Variants in TTC12 observed in about 807,000 individuals in gnomAD.
TTC12 encodes tetratricopeptide repeat protein 12.
A neutral mutation model predicts 90.1 loss-of-function variants in TTC12; 70 were observed. That is an observed-to-expected ratio of 0.78 (90% CI 0.64 to 0.95). The LOEUF (loss-of-function observed/expected upper bound fraction) is 0.95. Ranked by LOEUF, TTC12 falls within the 40% of genes least tolerant of loss-of-function variation. The pLI is 0.00. For missense variants in TTC12, 819 were observed against 846.1 expected (o/e 0.97, Z 0.40); for synonymous variants, 296 against 311.5 (o/e 0.95, Z 0.53).
chr11:113,346,578 T>C lies in TTC12; in HGVS notation c.1154+2138T>C, dbSNP rs112478539. On this transcript the variant is annotated intron_variant, in intron 13 of 21. Transcript: ENST00000529221. ...TTAAGACAGGTCAATACCAGCTGGA[T>C]CGGTCCCTTTTATCAAGAAAACCTA... Among the ~76,000 whole-genome samples the C allele has an allele frequency of 4.7e-3, 715 of 152,080 alleles. 4 individuals carry two copies. The highest frequency in any genetic ancestry group is 0.016 in the African/African-American group (672 of 41,480).
rs1555146156 is a variant in TTC12, at chr11:113,341,818, T to G, written c.897-19T>G. 6.3e-7 allele frequency: 1 copy of G among 1,586,156 alleles called. No homozygotes were observed. Among genetic ancestry groups the G allele is most frequent in the South Asian group, 1.1e-5 (1 of 90,442 alleles). ...CTGATTTTCAGACTTTTAAGATAGCTCTCCTTTGTCCATTCTAGGTGTTTT... is the reference window on the plus strand; with the variant it reads ...CTGATTTTCAGACTTTTAAGATAGCGCTCCTTTGTCCATTCTAGGTGTTTT... On this transcript the variant is annotated intron_variant, in intron 11 of 21. Transcript: ENST00000529221.
intron 2 of TTC12, among the ~76,000 whole-genome samples, chr11:113,320,754 C>G (rs1296173447): frequency 6.6e-6 from 1 of 152,246 alleles, no homozygotes; most frequent in East Asian, 1.9e-4. Context: ...ACGTGCCCAA[C>G]TGGGCTCCTG....
At chr11:113,322,213 A>T (rs1470861742) in intron 2 of TTC12, among the ~76,000 whole-genome samples, 1 of 152,170 alleles carries the variant, frequency 6.6e-6, no homozygotes, top group African/African-American at 2.4e-5. Flanking sequence ...ATGAATTAAG[A>T]AGTTTAATTG....
chr11:113,323,353 GA>G lies in TTC12; in HGVS notation c.128del (p.Lys43ArgfsTer19). 6.2e-7 allele frequency: 1 copy of G among 1,613,302 alleles called. No homozygotes were observed. The highest frequency in any genetic ancestry group is 8.5e-7 in the Non-Finnish European group (1 of 1,179,774). On this transcript the variant is annotated frameshift_variant, in exon 3 of 22. Transcript: ENST00000529221. LOFTEE classifies it high-confidence loss of function. ...GCAACAGAAAGCTGTCCTGGAGACA[GA>G]AAAGAGACTACTGCTTATGGAGGAA... ...VVQQKAVLET[E>X]KRLLLMEEDQ...
chr11:113,359,368 G>T lies in TTC12; in HGVS notation c.1452G>T (p.Arg484Ser). 1 of 1,607,766 alleles carries T rather than the reference G, an allele frequency of 6.2e-7. No individual in the cohort carries two copies. The highest frequency in any genetic ancestry group is 8.5e-7 in the Non-Finnish European group (1 of 1,174,982). The stretch of plus-strand genomic sequence containing the variant: ...ACCTTGTTTTGTTTCCCAAGGCCAG[G>T]TGTGAGGAGGATGTGGACCTGTTCA... ...FGDGCLSLLA[R>S]CEEDVDLFRE... The change falls in exon 17 of 22, where the codon AGG becomes AGT. Residue 484 changes from arginine (R) to serine (S), a missense_variant. Coordinates refer to ENST00000529221, the MANE Select transcript of TTC12 (RefSeq NM_017868.4).
At chr11:113,339,975 C>T (rs143245888) in intron 10 of TTC12, among the ~76,000 whole-genome samples, 1 of 152,296 alleles carries the variant, frequency 6.6e-6, no homozygotes, top group Non-Finnish European at 1.5e-5. Flanking sequence ...TACACCTTCC[C>T]TCCACTGTGG....
chr11:113,319,772 A>G (rs921960570), intron 2 of TTC12, among the ~76,000 whole-genome samples: 2 of 152,126 alleles, frequency 1.3e-5, no homozygotes, highest in Admixed American at 1.3e-4. Context: ...TCGTGCTGGA[A>G]AGGACAATCA....
chr11:113,335,722 G>T (rs1948332534), intron 8 of TTC12, among the ~76,000 whole-genome samples: 1 of 152,122 alleles, frequency 6.6e-6, no homozygotes, highest in Admixed American at 6.5e-5. Flanking sequence ...TATAATGTTT[G>T]CCTGGTACAT....
At chr11:113,355,659 A>G (rs1469462140) in intron 16 of TTC12, among the ~76,000 whole-genome samples, 4 of 152,134 alleles carry the variant, frequency 2.6e-5, no homozygotes, top group Non-Finnish European at 4.4e-5. Context: ...AGATTCTGGT[A>G]TGTTGTATCT....
Position 113,366,345 on chromosome 11 carries a change from C to A in TTC12, c.*45C>A, listed in dbSNP as rs1317123863. 2 of 1,610,378 alleles carry A rather than the reference C, an allele frequency of 1.2e-6. No individual in the cohort carries two copies. The highest frequency in any genetic ancestry group is 1.1e-5 in the South Asian group (1 of 91,030). On this transcript the variant is annotated 3_prime_UTR_variant, in exon 22 of 22. Transcript: ENST00000529221. ...CATTTGGGGAACACACAGATGCACA[C>A]CGTGTGTTGTTCCTATGCTAATAAA... is the stretch of plus-strand genomic sequence containing the variant.
Position 113,339,339 on chromosome 11 carries a change from G to A in TTC12, c.691G>A (p.Ala231Thr). 6.2e-7 allele frequency: 1 copy of A among 1,612,422 alleles called. No individual in the cohort carries two copies. The change falls in exon 10 of 22, where the codon GCC (alanine) becomes ACC (threonine). Residue 231 changes from alanine (A) to threonine (T), a missense_variant. Ala to Thr is a moderately conservative substitution (Grantham distance 58). Transcript: ENST00000529221. Reference sequence around the variant, plus strand: ...AAAAGCAGACCTTCAAGAAAAGGAAGCCCACGAACTGCTGGATTCAGGAAA... The same window carrying A: ...AAAAGCAGACCTTCAAGAAAAGGAAACCCACGAACTGCTGGATTCAGGAAA... Reference protein sequence around the residue: ...QEKADLQEKEAHELLDSGKNT... With the variant: ...QEKADLQEKETHELLDSGKNT...
chr11:113,346,212 G>T (rs17527717), intron 13 of TTC12, among the ~76,000 whole-genome samples: 3 of 152,014 alleles, frequency 2.0e-5, no homozygotes, highest in Admixed American at 6.5e-5. Flanking sequence ...AGTCTTAAGC[G>T]TACTGAGTTT....
At chr11:113,337,568 G>GATA (rs1948441646) in intron 8 of TTC12, among the ~76,000 whole-genome samples, 1 of 152,178 alleles carries the variant, frequency 6.6e-6, no homozygotes, top group Non-Finnish European at 1.5e-5. Context: ...TCAAACAGGT[G>GATA]ATAAGGGTAG....
Position 113,319,884 on chromosome 11 carries a change from C to A in TTC12, c.59-3404C>A, listed in dbSNP as rs528618361. Among the ~76,000 whole-genome samples, 12 of 152,144 alleles carry A rather than the reference C, an allele frequency of 7.9e-5. 1 individual carries two copies. The South Asian group carries it at 1.0e-3, about 13-fold the overall frequency. On this transcript the variant is annotated intron_variant, in intron 2 of 21. Transcript: ENST00000529221. Reference sequence around the variant, plus strand: ...CTCAACAAATAATGCTCCTGCCCTACGTGAAAGTCAACTCTAGGTGAATTA... The same window carrying A: ...CTCAACAAATAATGCTCCTGCCCTAAGTGAAAGTCAACTCTAGGTGAATTA...
chr11:113,330,114 A>G, intron 7 of TTC12, 135 bp downstream of exon 7: 4 of 725,210 alleles, frequency 5.5e-6, no homozygotes, highest in South Asian at 5.0e-5. Context: ...AGAATGGGAT[A>G]GAATAGAATT....
At chr11:113,352,760 A>G (rs1261296694) in intron 16 of TTC12, among the ~76,000 whole-genome samples, 2 of 152,020 alleles carry the variant, frequency 1.3e-5, no homozygotes, top group Non-Finnish European at 2.9e-5. Context: ...AGCTCCACCC[A>G]TGTTTCTGCA....
chr11:113,371,686 G>A (rs563795530), intron 21 of TTC12: 4 of 152,164 alleles, frequency 2.6e-5, no homozygotes, highest in Non-Finnish European at 5.9e-5. Flanking sequence ...ACAAGACCCG[G>A]AGAGGCAGGA....
At chr11:113,318,037 C>T (rs991539364) in intron 2 of TTC12, among the ~76,000 whole-genome samples, 14 of 152,160 alleles carry the variant, frequency 9.2e-5, no homozygotes, top group East Asian at 5.8e-4. Context: ...GTTTGAAATG[C>T]GGCTTGTTTC....
chr11:113,318,030 T>G (rs1947054315), intron 2 of TTC12, among the ~76,000 whole-genome samples: 1 of 152,214 alleles, frequency 6.6e-6, no homozygotes, highest in Admixed American at 6.5e-5. Context: ...AGCCCAGGTT[T>G]GAAATGCGGC....
Sources: allele counts gnomAD v4.1 joint callset (sites outside exome capture counted in the v4.1 genomes callset), GRCh38; gene constraint gnomAD v4.1.1; transcripts MANE v1.5; gene names NCBI Gene and HGNC (gene_info 2026-07-23, HGNC 2026-07-21).